Variants in CRIM1 observed in about 807,000 individuals in gnomAD.
CRIM1 encodes the protein cysteine rich transmembrane BMP regulator 1.
A neutral mutation model predicts 116.4 loss-of-function variants in CRIM1; 32 were observed. The observed-to-expected ratio is 0.27, with a 90% CI of 0.21 to 0.37. The LOEUF (loss-of-function observed/expected upper bound fraction) is 0.37. Ranked by LOEUF, CRIM1 falls within the 10% of genes least tolerant of loss-of-function variation. The pLI, the probability that CRIM1 is intolerant of heterozygous loss-of-function variation, is 1.00. For missense variants in CRIM1, 1,331 were observed against 1,354.8 expected (o/e 0.98, Z 0.28); for synonymous variants, 590 against 509.2 (o/e 1.16, Z -2.13).
intron 12 of CRIM1, 90 bp downstream of exon 12, chr2:36,517,632 C>CCCCATA: frequency 7.6e-7 from 1 of 1,318,686 alleles, no homozygotes; most frequent in Non-Finnish European, 1.0e-6. Context: ...GCAGGATCAG[C>CCCCATA]CCCATATGGG....
At position 36,522,201 on chromosome 2, in the gene CRIM1, T is replaced by C. The variant is rs1338174146; in HGVS notation, c.2316T>C (p.Cys772=). 1.9e-6 allele frequency: 3 copies of C among 1,614,198 alleles called. No individual in the cohort carries two copies. The South Asian group carries it at 3.3e-5, about 18-fold the overall frequency. ...LAAESWKPDV[C]TSCICIDSVI... is the part of the protein sequence containing the mutation. Reference sequence around the variant, plus strand: ...CTGAGTCCTGGAAGCCTGACGTTTGTACCAGCTGCATCTGCATTGATAGCG... The same window carrying C: ...CTGAGTCCTGGAAGCCTGACGTTTGCACCAGCTGCATCTGCATTGATAGCG... The change falls in exon 13 of 17, where the codon TGT becomes TGC. Residue 772 remains cysteine (C), a synonymous_variant. Transcript: ENST00000280527.
chr2:36,423,235 A>G (rs1674202199), intron 2 of CRIM1, among the ~76,000 whole-genome samples: 1 of 152,236 alleles, frequency 6.6e-6, no homozygotes, highest in Admixed American at 6.5e-5. Flanking sequence ...AAGTAGTCCT[A>G]TACTGGGGAT....
In CRIM1 at chr2:36,544,577, A is replaced by ATGAG. The variant is rs1403386612; in HGVS notation, c.2746+81_2746+84dup. ...TGTTTTCTAATTTTTAAAATTTCCT[A>ATGAG]TGAGTAACTTTTAAAATGACTTGCT... On this transcript the variant is annotated intron_variant, in intron 15 of 16. Transcript: ENST00000280527. The ATGAG allele has an allele frequency of 1.3e-5, 17 of 1,282,314 alleles. No individual in the cohort carries two copies. In the Admixed American group the frequency reaches 5.0e-4, roughly 38 times the overall value. The allele number at this position is 1,282,314 out of a possible 1,614,324, so 79.4% of individuals were successfully genotyped here.
chr2:36,465,679 G>C (rs959079662), intron 5 of CRIM1, among the ~76,000 whole-genome samples: 1 of 152,088 alleles, frequency 6.6e-6, no homozygotes, highest in African/African-American at 2.4e-5. Context: ...TGGCTTTATG[G>C]TTAAGAAAGA....
intron 1 of CRIM1, among the ~76,000 whole-genome samples, chr2:36,391,118 A>ATTTTTTTTT (rs57108558): frequency 1.5e-5 from 1 of 67,240 alleles, no homozygotes; most frequent in Non-Finnish European, 2.5e-5. Context: ...CCAACTTTTG[A>ATTTTTTTTT]TTTTTTTTTT....
chr2:36,434,691 G>T (rs1675161148), intron 2 of CRIM1, among the ~76,000 whole-genome samples: 1 of 152,206 alleles, frequency 6.6e-6, no homozygotes, highest in Admixed American at 6.5e-5. Context: ...TGCTTAATAA[G>T]AAGCATTATC....
At chr2:36,412,175 C>T (rs200809934) in intron 2 of CRIM1, among the ~76,000 whole-genome samples, 7 of 152,018 alleles carry the variant, frequency 4.6e-5, no homozygotes, top group African/African-American at 1.2e-4. Flanking sequence ...ACTGTGATGA[C>T]GCCCAACAGA....
At chr2:36,397,689 T>TGAAG (rs1672125533) in intron 2 of CRIM1, among the ~76,000 whole-genome samples, 1 of 152,192 alleles carries the variant, frequency 6.6e-6, no homozygotes, top group South Asian at 2.1e-4. Flanking sequence ...AAAGCAGGAC[T>TGAAG]GAAGTTTTGG....
intron 5 of CRIM1, 34 bp downstream of exon 5, chr2:36,464,689 A>G: frequency 6.2e-7 from 1 of 1,607,590 alleles, no homozygotes; most frequent in Non-Finnish European, 8.5e-7. Flanking sequence ...CAGAGAGTGT[A>G]CATTTGTGCA....
At chr2:36,442,826 A>G in intron 4 of CRIM1, 91 bp downstream of exon 4, 1 of 1,438,816 alleles carries the variant, frequency 7.0e-7, no homozygotes, top group Non-Finnish European at 9.7e-7. Flanking sequence ...TTCCCATGAG[A>G]AACCTAGTCC....
intron 1 of CRIM1, chr2:36,369,144 C>A (rs929587712): frequency 6.6e-6 from 1 of 152,172 alleles, no homozygotes; most frequent in Non-Finnish European, 1.5e-5. Flanking sequence ...ACTTTTAAAC[C>A]TCTGCGGCAG....
intron 13 of CRIM1, among the ~76,000 whole-genome samples, chr2:36,532,618 T>A (rs1461023850): frequency 1.3e-5 from 2 of 152,196 alleles, no homozygotes; most frequent in Non-Finnish European, 2.9e-5. Flanking sequence ...CACTGATTGA[T>A]CCTTGTCCGG....
At chr2:36,442,355 A>G (rs1474288263) in intron 3 of CRIM1, among the ~76,000 whole-genome samples, 2 of 151,972 alleles carry the variant, frequency 1.3e-5, no homozygotes, top group African/African-American at 2.4e-5. Flanking sequence ...GTCACTATCC[A>G]TGTAACCACT....
At chr2:36,399,144 T>C (rs1013202168) in intron 2 of CRIM1, among the ~76,000 whole-genome samples, 2 of 152,136 alleles carry the variant, frequency 1.3e-5, no homozygotes, top group African/African-American at 4.8e-5. Context: ...AAATAAAGAT[T>C]GGAGGGAGGA....
At chr2:36,534,589 C>A (rs62136185) in intron 13 of CRIM1, among the ~76,000 whole-genome samples, 19,387 of 107,404 alleles carry the variant, frequency 0.18, 1,420 homozygotes, top group Middle Eastern at 0.23. Flanking sequence ...AAGGGAGAGA[C>A]AGGAAGAGGG....
At chr2:36,363,703 C>T (rs1010853320) in intron 1 of CRIM1, among the ~76,000 whole-genome samples, 6 of 152,124 alleles carry the variant, frequency 3.9e-5, no homozygotes, top group East Asian at 1.9e-4. Context: ...GGGGAGGAGG[C>T]GGGAACCTAG....
intron 1 of CRIM1, among the ~76,000 whole-genome samples, chr2:36,390,490 G>T (rs1671489590): frequency 6.6e-6 from 1 of 152,184 alleles, no homozygotes; most frequent in Admixed American, 6.5e-5. Flanking sequence ...ACGGGGTGTT[G>T]AAGATACTTA....
At chr2:36,418,034 G>A (rs569216286) in intron 2 of CRIM1, among the ~76,000 whole-genome samples, 1 of 152,306 alleles carries the variant, frequency 6.6e-6, no homozygotes, top group South Asian at 2.1e-4. Context: ...GCAGCACTGG[G>A]TGGCAGGCAC....
chr2:36,444,099 A>C (rs1676065729), intron 4 of CRIM1, among the ~76,000 whole-genome samples: 1 of 152,250 alleles, frequency 6.6e-6, no homozygotes, highest in Non-Finnish European at 1.5e-5. Context: ...GGAAGGTGGT[A>C]CATTATATTG....
Sources: allele counts gnomAD v4.1 joint callset (sites outside exome capture counted in the v4.1 genomes callset), GRCh38; gene constraint gnomAD v4.1.1; transcripts MANE v1.5; gene names NCBI Gene and HGNC (gene_info 2026-07-23, HGNC 2026-07-21).